SNX10: variants seen among roughly 807,000 people sequenced by gnomAD.
SNX10 encodes sorting nexin-10.
SNX10 carries 25 observed loss-of-function variants against 28.5 expected under a neutral mutation model. That is an observed-to-expected ratio of 0.88 (90% confidence interval 0.64 to 1.22). The LOEUF (loss-of-function observed/expected upper bound fraction) is 1.22, where lower values mean the gene tolerates loss of function less well. Among genes scored for constraint, SNX10 ranks in the 50% most tolerant of loss-of-function variants. SNX10 has a pLI of 0.00. For synonymous variants in SNX10, 62 were observed against 81.4 expected (o/e 0.76, Z 1.28); for missense variants, 223 against 242.6 (o/e 0.92, Z 0.54).
chr7:26,365,073 A>T lies in SNX10; in HGVS notation c.239A>T (p.Asn80Ile). 1.9e-6 allele frequency: 3 copies of T among 1,611,852 alleles called. No individual in the cohort carries two copies. The highest frequency in any genetic ancestry group is 2.5e-6 in the Non-Finnish European group (3 of 1,177,992). The part of the protein sequence containing the change: ...LVQLPELPSK[N>I]LFFNMNNRQH... ...CAACTGCCAGAACTTCCATCTAAAA[A>T]CCTGTTTTTCAACATGAACAATCGC... The change falls in exon 5 of 7, where the codon AAC becomes ATC. Residue 80 changes from asparagine to isoleucine, a missense_variant. Transcript: ENST00000338523.
intron 1 of SNX10, among the ~76,000 whole-genome samples, chr7:26,336,425 C>T (rs776511710): frequency 7.3e-5 from 11 of 151,552 alleles, no homozygotes; most frequent in Non-Finnish European, 1.2e-4. Context: ...TGTTTGAGGC[C>T]GGGCATAGTG....
At chr7:26,362,165 G>A (rs892316933) in intron 3 of SNX10, among the ~76,000 whole-genome samples, 8 of 152,192 alleles carry the variant, frequency 5.3e-5, no homozygotes, top group African/African-American at 1.4e-4. Flanking sequence ...TGATTGTGTT[G>A]TAAAGCCATT....
chr7:26,298,746 G>C (rs547154169), intron 1 of SNX10, among the ~76,000 whole-genome samples: 12 of 152,288 alleles, frequency 7.9e-5, no homozygotes, highest in African/African-American at 2.6e-4. Context: ...TATTTCTTAG[G>C]GTTTTGGAGG....
chr7:26,337,707 A>G (rs1787992152), intron 1 of SNX10, among the ~76,000 whole-genome samples: 1 of 152,192 alleles, frequency 6.6e-6, no homozygotes, highest in Admixed American at 6.5e-5. Context: ...CATCCATTAC[A>G]TTTCATTGAT....
At chr7:26,368,176 T>C (rs1047294691) in intron 5 of SNX10, among the ~76,000 whole-genome samples, 3 of 152,184 alleles carry the variant, frequency 2.0e-5, no homozygotes, top group Non-Finnish European at 2.9e-5. Context: ...ACTAAAAATC[T>C]TAGGAGTTGG....
chr7:26,359,936 G>A (rs902778041), intron 2 of SNX10, among the ~76,000 whole-genome samples: 5 of 152,140 alleles, frequency 3.3e-5, no homozygotes, highest in Admixed American at 6.5e-5. Context: ...GATTACAGGC[G>A]TAAGCCACTG....
chr7:26,313,533 G>A (rs969466821), intron 1 of SNX10, among the ~76,000 whole-genome samples: 1 of 152,160 alleles, frequency 6.6e-6, no homozygotes, highest in East Asian at 1.9e-4. Context: ...TCAGAGGAAT[G>A]ATATGCCTTT....
Position 26,306,956 on chromosome 7 carries a change from AC to A in SNX10, c.-24+14871del, listed in dbSNP as rs573748172. Among the ~76,000 whole-genome samples, 65 of 152,336 alleles carry A rather than the reference AC, an allele frequency of 4.3e-4. 1 individual carries two copies. In the South Asian group the frequency reaches 0.013, roughly 31 times the overall value. ...TTGGGAAAGGGCAGAATGTGAATTC[AC>A]AACCAGGTGGTCTGGAGTCAAATGC... On this transcript the variant is annotated intron_variant, in intron 1 of 6. Coordinates refer to ENST00000338523, the MANE Select transcript of SNX10 (RefSeq NM_013322.3).
chr7:26,335,790 C>T (rs1787909985), intron 1 of SNX10, among the ~76,000 whole-genome samples: 1 of 121,666 alleles, frequency 8.2e-6, no homozygotes, highest in Non-Finnish European at 1.6e-5. Context: ...GTCGCCCAGG[C>T]GGGAGTGCTG....
chr7:26,298,999 C>CTA (rs1172260103), intron 1 of SNX10, among the ~76,000 whole-genome samples: 1 of 152,136 alleles, frequency 6.6e-6, no homozygotes, highest in Non-Finnish European at 1.5e-5. Flanking sequence ...TAGGGCTTTA[C>CTA]TATATGCATT....
At chr7:26,331,486 T>A (rs2128004853) in intron 1 of SNX10, among the ~76,000 whole-genome samples, 1 of 152,238 alleles carries the variant, frequency 6.6e-6, no homozygotes, top group African/African-American at 2.4e-5. Flanking sequence ...CTTGAGGGGC[T>A]GTGGTAGGTG....
At chr7:26,313,865 G>A (rs1786947342) in intron 1 of SNX10, among the ~76,000 whole-genome samples, 1 of 152,082 alleles carries the variant, frequency 6.6e-6, no homozygotes, top group South Asian at 2.1e-4. Context: ...GTGCAGTGGA[G>A]GCGCGATCTC....
intron 5 of SNX10, among the ~76,000 whole-genome samples, chr7:26,367,372 C>T (rs934266660): frequency 2.0e-5 from 3 of 152,238 alleles, no homozygotes; most frequent in Non-Finnish European, 2.9e-5. Flanking sequence ...GATTGTCATC[C>T]GATTGGATTG....
chr7:26,292,639 G>A (rs1785971200), intron 1 of SNX10, among the ~76,000 whole-genome samples: 1 of 152,050 alleles, frequency 6.6e-6, no homozygotes, highest in Non-Finnish European at 1.5e-5. Flanking sequence ...TTTCAGTTCC[G>A]ATGCATCATA....
chr7:26,357,172 GC>G, intron 2 of SNX10: 1 of 305,144 alleles, frequency 3.3e-6, no homozygotes, highest in Non-Finnish European at 5.8e-6. Flanking sequence ...TAGGGACTAT[GC>G]CCAAGGCAAT....
intron 1 of SNX10, among the ~76,000 whole-genome samples, chr7:26,335,400 C>T (rs931986722): frequency 1.3e-5 from 2 of 152,182 alleles, no homozygotes; most frequent in Non-Finnish European, 2.9e-5. Context: ...GGTTCAAGTA[C>T]GAGGAGGGAG....
At chr7:26,298,879 T>G (rs919813687) in intron 1 of SNX10, among the ~76,000 whole-genome samples, 2 of 152,192 alleles carry the variant, frequency 1.3e-5, no homozygotes, top group Non-Finnish European at 2.9e-5. Flanking sequence ...TCTTGGTATC[T>G]CCGCTTGGTG....
At chr7:26,308,068 C>T (rs1786666006) in intron 1 of SNX10, among the ~76,000 whole-genome samples, 1 of 152,198 alleles carries the variant, frequency 6.6e-6, no homozygotes, top group Non-Finnish European at 1.5e-5. Flanking sequence ...ATGCTTACCA[C>T]AGCCTGTGAT....
chr7:26,339,698 C>T (rs1788105434), intron 1 of SNX10, among the ~76,000 whole-genome samples: 2 of 151,836 alleles, frequency 1.3e-5, no homozygotes, highest in Non-Finnish European at 2.9e-5. Flanking sequence ...AGGCGCCTGC[C>T]ACCATGCCTG....
Sources: allele counts gnomAD v4.1 joint callset (sites outside exome capture counted in the v4.1 genomes callset), GRCh38; gene constraint gnomAD v4.1.1; transcripts MANE v1.5; gene names NCBI Gene and HGNC (gene_info 2026-07-23, HGNC 2026-07-21).